Variants in PDGFC observed in about 807,000 individuals in gnomAD.
PDGFC encodes the protein platelet derived growth factor C, also known as platelet-derived growth factor C.
Under a neutral mutation model 35.5 loss-of-function variants are expected in PDGFC, and 12 were observed. That is an observed-to-expected ratio of 0.34 (90% CI 0.22 to 0.55). The LOEUF (loss-of-function observed/expected upper bound fraction) is 0.55. PDGFC is among the 20% of genes least tolerant of loss of function. The pLI is 0.91. For missense variants in PDGFC, 322 were observed against 412.4 expected (o/e 0.78, Z 1.90); for synonymous variants, 159 against 148.8 (o/e 1.07, Z -0.50).
At chr4:156,870,380 A>G (rs1729951520) in intron 1 of PDGFC, among the ~76,000 whole-genome samples, 2 of 152,246 alleles carry the variant, frequency 1.3e-5, no homozygotes, top group East Asian at 1.9e-4. Flanking sequence ...ACAATATTTC[A>G]TAACATTAGA....
intron 3 of PDGFC, among the ~76,000 whole-genome samples, chr4:156,800,173 T>C (rs979498341): frequency 2.6e-5 from 4 of 152,286 alleles, no homozygotes; most frequent in Middle Eastern, 3.4e-3. Flanking sequence ...TTAAATAATA[T>C]ATTTTTTAAA....
chr4:156,918,438 GTC>G (rs1731199275), intron 1 of PDGFC, among the ~76,000 whole-genome samples: 2 of 152,196 alleles, frequency 1.3e-5, no homozygotes, highest in South Asian at 4.1e-4. Flanking sequence ...CATAGACGAT[GTC>G]CCTTAAATCA....
chr4:156,794,670 G>T (rs1579013133), intron 3 of PDGFC, among the ~76,000 whole-genome samples: 1 of 151,642 alleles, frequency 6.6e-6, no homozygotes, highest in East Asian at 1.9e-4. Context: ...CTATTAAAGG[G>T]TATCATTCTA....
intron 3 of PDGFC, among the ~76,000 whole-genome samples, chr4:156,780,291 G>GAT (rs1730943439): frequency 6.6e-6 from 1 of 151,918 alleles, no homozygotes; most frequent in Non-Finnish European, 1.5e-5. Context: ...TAATACTCAA[G>GAT]ATAACGCCTA....
In PDGFC at chr4:156,767,714, T is replaced by G. The variant is rs147394213; in HGVS notation, c.921+59A>C. On this transcript the variant is annotated intron_variant, in intron 5 of 5. Transcript: ENST00000502773. ...AAACATAAACGCATTTCAGATTCAC[T>G]GTTTTGTTCTAAGACATAAAATACC... The G allele has an allele frequency of 1.9e-5, 20 of 1,029,628 alleles. No individual in the cohort carries two copies. The African/African-American group carries it at 2.2e-4, about 11-fold the overall frequency. 63.8% of individuals were successfully genotyped at this position (1,029,628 alleles called of 1,614,324 possible).
At chr4:156,880,532 G>A (rs1730217098) in intron 1 of PDGFC, among the ~76,000 whole-genome samples, 1 of 152,136 alleles carries the variant, frequency 6.6e-6, no homozygotes. Context: ...GGATATTAAT[G>A]CTGTTTTCAT....
rs76160032 is a variant in PDGFC at position 156,970,707 on chromosome 4, T to C, written c.118+79A>G. The C allele has an allele frequency of 0.017, 14,329 of 860,098 alleles. 1,322 individuals are homozygous for C. The African/African-American group carries it at 0.2, about 12-fold the overall frequency. 53.3% of individuals were successfully genotyped at this position (860,098 alleles called of 1,614,324 possible). On this transcript the variant is annotated intron_variant, in intron 1 of 5. Transcript: ENST00000502773. Reference sequence around the variant, plus strand: ...AAAGATACCTTCACAGTCTGGTATATATCACATACCAACGCACAATGCCAA... The same window carrying C: ...AAAGATACCTTCACAGTCTGGTATACATCACATACCAACGCACAATGCCAA...
chr4:156,936,942 A>T (rs1442455135), intron 1 of PDGFC, among the ~76,000 whole-genome samples: 1 of 152,190 alleles, frequency 6.6e-6, no homozygotes, highest in Non-Finnish European at 1.5e-5. Flanking sequence ...ATTTGATGAA[A>T]AATATTATGC....
chr4:156,803,696 T>G (rs972876950), intron 3 of PDGFC, among the ~76,000 whole-genome samples: 1 of 152,070 alleles, frequency 6.6e-6, no homozygotes, highest in African/African-American at 2.4e-5. Flanking sequence ...AAGAGAAATA[T>G]TTGCCATTTA....
chr4:156,771,573 G>A (rs1730694344), intron 4 of PDGFC, among the ~76,000 whole-genome samples: 1 of 152,120 alleles, frequency 6.6e-6, no homozygotes, highest in South Asian at 2.1e-4. Context: ...TTGCCAAAAG[G>A]AAACCACGTC....
intron 3 of PDGFC, among the ~76,000 whole-genome samples, chr4:156,804,250 G>A (rs961178019): frequency 6.6e-6 from 1 of 151,824 alleles, no homozygotes; most frequent in Non-Finnish European, 1.5e-5. Flanking sequence ...ATGTTGGCAA[G>A]TTAAAAAAAA....
intron 2 of PDGFC, among the ~76,000 whole-genome samples, chr4:156,820,697 A>T (rs1732228040): frequency 6.6e-6 from 1 of 152,192 alleles, no homozygotes; most frequent in South Asian, 2.1e-4. Context: ...ACTAAGAATG[A>T]CCCTTCAGAA....
chr4:156,809,328 C>T (rs1469042318), intron 3 of PDGFC, among the ~76,000 whole-genome samples: 5 of 152,020 alleles, frequency 3.3e-5, no homozygotes, highest in African/African-American at 4.8e-5. Flanking sequence ...TGGTCTCAGT[C>T]ACAGTAAATC....
intron 1 of PDGFC, among the ~76,000 whole-genome samples, chr4:156,936,402 A>G (rs1348906411): frequency 6.6e-6 from 1 of 152,162 alleles, no homozygotes; most frequent in African/African-American, 2.4e-5. Context: ...ATTCCTAACC[A>G]AAGGAGAGGG....
intron 1 of PDGFC, among the ~76,000 whole-genome samples, chr4:156,966,683 C>T (rs1253673241): frequency 2.0e-5 from 3 of 151,954 alleles, no homozygotes; most frequent in East Asian, 1.9e-4. Flanking sequence ...CTAAGGCTTC[C>T]GTGCCTGAGA....
chr4:156,875,210 T>C (rs553614000), intron 1 of PDGFC, among the ~76,000 whole-genome samples: 2 of 152,330 alleles, frequency 1.3e-5, no homozygotes, highest in South Asian at 2.1e-4. Context: ...TTAACTGTTA[T>C]CAACAGGGTG....
chr4:156,825,701 G>T (rs962585332), intron 2 of PDGFC, among the ~76,000 whole-genome samples: 1 of 151,326 alleles, frequency 6.6e-6, no homozygotes, highest in East Asian at 1.9e-4. Flanking sequence ...AGTGTTCCAG[G>T]TATAAGAAAC....
At chr4:156,955,926 G>A (rs559581684) in intron 1 of PDGFC, among the ~76,000 whole-genome samples, 8 of 152,002 alleles carry the variant, frequency 5.3e-5, no homozygotes, top group South Asian at 2.1e-4. Flanking sequence ...TTCCTTTTCC[G>A]GTGAATTATT....
chr4:156,859,526 G>A (rs552270502), intron 1 of PDGFC, among the ~76,000 whole-genome samples: 2 of 152,082 alleles, frequency 1.3e-5, no homozygotes, highest in African/African-American at 4.8e-5. Flanking sequence ...AACTCTATCA[G>A]GTATAAATAA....
Sources: allele counts gnomAD v4.1 joint callset (sites outside exome capture counted in the v4.1 genomes callset), GRCh38; gene constraint gnomAD v4.1.1; transcripts MANE v1.5; gene names NCBI Gene and HGNC (gene_info 2026-07-23, HGNC 2026-07-21).